DIP2A: variants seen among roughly 807,000 people sequenced by gnomAD.
DIP2A encodes the protein DIP2 acetate--CoA ligase A, also known as disco-interacting protein 2 homolog A.
In DIP2A, 85 loss-of-function variants were observed where a neutral mutation model predicts 177.4. The ratio of observed to expected loss-of-function variants is 0.48; its 90% CI spans 0.40 to 0.57. The LOEUF (loss-of-function observed/expected upper bound fraction) is 0.57, where lower values mean the gene tolerates loss of function less well. DIP2A is among the 20% of genes least tolerant of loss of function. The probability of loss-of-function intolerance (pLI) is 0.00; values close to 1 mark genes in which losing one functional copy is unlikely to be tolerated. For missense variants in DIP2A, 1,791 were observed against 2,100.2 expected, an observed-to-expected ratio of 0.85 and a Z score of 2.88; for synonymous variants, 886 against 881.8, an observed-to-expected ratio of 1.00 and a Z score of -0.08.
chr21:46,561,908 G>C, intron 34 of DIP2A, 103 bp downstream of exon 34: 1 of 1,523,832 alleles, frequency 6.6e-7, no homozygotes, highest in Non-Finnish European at 8.8e-7. Context: ...GATGAACACA[G>C]GTCGACTTCT....
chr21:46,488,389 G>A (rs1015860066), intron 2 of DIP2A, among the ~76,000 whole-genome samples: 5 of 152,144 alleles, frequency 3.3e-5, no homozygotes, highest in Non-Finnish European at 5.9e-5. Context: ...GGACAGGTGC[G>A]ATAGGCTCCC....
intron 3 of DIP2A, among the ~76,000 whole-genome samples, chr21:46,494,999 G>T (rs1004790431): frequency 5.3e-5 from 8 of 152,078 alleles, no homozygotes; most frequent in African/African-American, 1.9e-4. Context: ...TTGCTATTGG[G>T]CTGATTGTTG....
chr21:46,482,786 A>G (rs780664310), intron 1 of DIP2A, among the ~76,000 whole-genome samples: 7 of 152,164 alleles, frequency 4.6e-5, no homozygotes, highest in Non-Finnish European at 1.0e-4. Flanking sequence ...GGGATTTGGC[A>G]TCTGTGATCC....
At chr21:46,473,845 A>G (rs549664904) in intron 1 of DIP2A, among the ~76,000 whole-genome samples, 40 of 152,268 alleles carry the variant, frequency 2.6e-4, no homozygotes, top group African/African-American at 9.4e-4. Flanking sequence ...GGTCTTCTTT[A>G]ATAAATGATG....
In DIP2A at chr21:46,525,003, A is replaced by G. The variant is rs185502220; in HGVS notation, c.1103-4089A>G. 2.9e-3 allele frequency among the ~76,000 whole-genome samples: 433 copies of G among 147,136 alleles called. 2 individuals are homozygous for G. The highest frequency in any genetic ancestry group is 0.01 in the African/African-American group (407 of 39,416). On this transcript the variant is annotated intron_variant, in intron 8 of 37. Coordinates refer to ENST00000417564, the MANE Select transcript of DIP2A (RefSeq NM_015151.4). Reference sequence around the variant, plus strand: ...CCGGATCAAACAATTATTACGCATCAGCCTCCCAAGTAGCTGGGAGTACAG... The same window carrying G: ...CCGGATCAAACAATTATTACGCATCGGCCTCCCAAGTAGCTGGGAGTACAG...
At chr21:46,499,586 G>A (rs1467523429) in intron 5 of DIP2A, among the ~76,000 whole-genome samples, 2 of 152,194 alleles carry the variant, frequency 1.3e-5, no homozygotes, top group African/African-American at 4.8e-5. Flanking sequence ...ATCATATGAT[G>A]CATGGATCTT....
Position 46,533,509 on chromosome 21 carries a change from C to G in DIP2A, c.1306-15C>G, listed in dbSNP as rs746378748. ...GTGAGCACCCCACCCCACACGGTCACTCTGCTTTCTGCAGGATGCAGGCAG... is the reference window on the plus strand; with the variant it reads ...GTGAGCACCCCACCCCACACGGTCAGTCTGCTTTCTGCAGGATGCAGGCAG... On this transcript the variant is annotated splice_polypyrimidine_tract_variant and intron_variant, in intron 10 of 37. Transcript: ENST00000417564. 4 of 1,611,542 alleles carry G rather than the reference C, an allele frequency of 2.5e-6. No homozygotes were observed. The South Asian group carries it at 4.4e-5, about 18-fold the overall frequency.
At chr21:46,548,181 C>CATGT (rs1555909585) in intron 21 of DIP2A, among the ~76,000 whole-genome samples, 1 of 147,586 alleles carries the variant, frequency 6.8e-6, no homozygotes, top group Non-Finnish European at 1.5e-5. Flanking sequence ...TGCATGTGTG[C>CATGT]GTGTGTGTGT....
rs186750256 is a variant in DIP2A at position 46,509,153 on chromosome 21, T to G, written c.785-104T>G. 1.1e-4 allele frequency: 145 copies of G among 1,285,246 alleles called. 1 individual carries two copies. The African/African-American group carries it at 2.0e-3, about 18-fold the overall frequency. The allele number at this position is 1,285,246 out of a possible 1,614,324, so 79.6% of individuals were successfully genotyped here. ...AGTGGGGCCCACACTTGGATGGATT[T>G]GTAAGCTCTGATGCATCGTGTGGTT... On this transcript the variant is annotated intron_variant, in intron 6 of 37. Coordinates refer to ENST00000417564, the MANE Select transcript of DIP2A (RefSeq NM_015151.4).
intron 10 of DIP2A, among the ~76,000 whole-genome samples, chr21:46,532,602 A>G (rs1355431356): frequency 6.6e-6 from 1 of 152,196 alleles, no homozygotes; most frequent in East Asian, 1.9e-4. Flanking sequence ...CCTCAAAACC[A>G]TATGTTTATA....
Position 46,498,667 on chromosome 21 carries a change from C to T in DIP2A, c.489C>T (p.Val163=), listed in dbSNP as rs766202573. ...TSTPLQSHSS[V]EPWLDRVIQG... The stretch of plus-strand genomic sequence containing the variant: ...CTCCGCTCCAGAGCCATTCCAGCGT[C>T]GAGCCCTGGCTCGACCGGGTCATTC... The change falls in exon 5 of 38, where the codon GTC becomes GTT. Residue 163 remains valine (V), a synonymous_variant. Transcript: ENST00000417564. This position sits in a 1 kb window ranked among gnomAD's most constrained non-coding sequence, Gnocchi z 4.3. 1.7e-5 allele frequency: 27 copies of T among 1,613,782 alleles called. No homozygotes were observed. Among genetic ancestry groups the T allele is most frequent in the Admixed American group, 3.3e-5 (2 of 60,032 alleles).
At chr21:46,547,389 AG>A (rs1569087472) in intron 21 of DIP2A, among the ~76,000 whole-genome samples, 1 of 152,174 alleles carries the variant, frequency 6.6e-6, no homozygotes, top group African/African-American at 2.4e-5. Flanking sequence ...AAAACAGAAA[AG>A]TGCCATTTTC....
Position 46,484,760 on chromosome 21 carries a change from A to G in DIP2A, c.95A>G (p.Asp32Gly). 2 of 1,568,820 alleles carry G rather than the reference A, an allele frequency of 1.3e-6. No individual in the cohort carries two copies. The highest frequency in any genetic ancestry group is 8.6e-7 in the Non-Finnish European group (1 of 1,157,748). Residue 32 changes from aspartate (D) to glycine (G), a missense_variant, in exon 2 of 38, where the codon GAC (aspartate) becomes GGC (glycine). Physicochemically the swap from Asp to Gly is moderately conservative, Grantham distance 94. Coordinates refer to ENST00000417564, the MANE Select transcript of DIP2A (RefSeq NM_015151.4). ...AELELELSEG[D>G]ITQKGYEKKR... ...CTTTTTTCCATTGTTGTTTTAGGTG[A>G]CATCACTCAAAAAGGATATGAAAAG...
chr21:46,487,282 G>A (rs2056754227), intron 2 of DIP2A, among the ~76,000 whole-genome samples: 1 of 152,188 alleles, frequency 6.6e-6, no homozygotes. Context: ...CTCTTTATAT[G>A]CTGATATTTA....
At chr21:46,545,832 G>T in intron 19 of DIP2A, 49 bp from the exon 20 acceptor site, 1 of 1,595,380 alleles carries the variant, frequency 6.3e-7, no homozygotes. Context: ...TTTTTGGCCA[G>T]TTGGTTGGTT....
At chr21:46,511,152 A>G (rs900234877) in intron 7 of DIP2A, among the ~76,000 whole-genome samples, 2 of 152,018 alleles carry the variant, frequency 1.3e-5, no homozygotes, top group South Asian at 2.1e-4. Flanking sequence ...AACCACTCCA[A>G]GGTCACCTTT....
At chr21:46,474,876 A>G (rs2055706742) in intron 1 of DIP2A, among the ~76,000 whole-genome samples, 1 of 152,222 alleles carries the variant, frequency 6.6e-6, no homozygotes, top group Non-Finnish European at 1.5e-5. Context: ...TAGGGAAGAT[A>G]GGGATGGAGC....
chr21:46,555,049 C>A, intron 28 of DIP2A, 116 bp downstream of exon 28: 2 of 1,095,240 alleles, frequency 1.8e-6, no homozygotes, highest in Non-Finnish European at 2.6e-6. Context: ...CTGGCAGGAG[C>A]CTGGCTGACA....
intron 32 of DIP2A, 112 bp downstream of exon 32, chr21:46,558,505 C>G (rs1375549887): frequency 2.6e-5 from 28 of 1,090,080 alleles, no homozygotes; most frequent in Non-Finnish European, 3.7e-5. Context: ...TTCTCCTTCT[C>G]TGGGCCTTTG....
Sources: allele counts gnomAD v4.1 joint callset (sites outside exome capture counted in the v4.1 genomes callset), GRCh38; gene constraint gnomAD v4.1.1; non-coding constraint Gnocchi (gnomAD v3.1); transcripts MANE v1.5; gene names NCBI Gene and HGNC (gene_info 2026-07-23, HGNC 2026-07-21).